RICTOR: variants seen among roughly 807,000 people sequenced by gnomAD.
The protein encoded by RICTOR is rapamycin-insensitive companion of mTOR.
Under a neutral mutation model 214.9 loss-of-function variants are expected in RICTOR, and 49 were observed. The ratio of observed to expected loss-of-function variants is 0.23; its 90% CI spans 0.18 to 0.29. RICTOR has a LOEUF of 0.29. Among genes scored for constraint, RICTOR ranks in the 10% least tolerant of loss-of-function variants. The pLI is 1.00. For missense variants in RICTOR, 1,625 were observed against 2,047.0 expected, an observed-to-expected ratio of 0.79 and a Z score of 3.98; for synonymous variants, 717 against 711.3, an observed-to-expected ratio of 1.01 and a Z score of -0.13.
intron 2 of RICTOR, among the ~76,000 whole-genome samples, chr5:39,061,866 C>T (rs1415067990): frequency 6.6e-6 from 1 of 151,860 alleles, no homozygotes; most frequent in Non-Finnish European, 1.5e-5. Flanking sequence ...ATAACATATA[C>T]TTGTGTATTC....
chr5:39,029,057 G>A (rs963090393), intron 2 of RICTOR, among the ~76,000 whole-genome samples: 16 of 152,120 alleles, frequency 1.1e-4, no homozygotes, highest in Non-Finnish European at 1.5e-4. Flanking sequence ...AATCTATGAT[G>A]ATAGAAATCA....
chr5:38,949,795 C>T lies in RICTOR; in HGVS notation c.4053G>A (p.Leu1351=), dbSNP rs983234630. The T allele has an allele frequency of 3.1e-6, 5 of 1,613,266 alleles. No homozygotes were observed. The African/African-American group carries it at 5.3e-5, about 17-fold the overall frequency. The part of the protein sequence containing the change: ...MHPSLSHSEA[L]ASPAKDVLFT... ...ATAGCACATCTTTTGCTGGAGATGC[C>T]AAAGCTTCAGAGTGAGATAAGGATG... Residue 1351 remains leucine, a synonymous_variant, in exon 31 of 38, where the codon TTG becomes TTA. Transcript: ENST00000357387.
chr5:39,072,809 C>A (rs1472880358), intron 2 of RICTOR, among the ~76,000 whole-genome samples: 1 of 152,116 alleles, frequency 6.6e-6, no homozygotes, highest in Admixed American at 6.5e-5. Context: ...GATTTAAGCT[C>A]TACTATATTG....
chr5:39,059,698 C>T (rs1157696512), intron 2 of RICTOR, among the ~76,000 whole-genome samples: 1 of 152,046 alleles, frequency 6.6e-6, no homozygotes, highest in Admixed American at 6.6e-5. Flanking sequence ...CCACATTCTA[C>T]CCATCCAAGG....
At chr5:39,029,321 C>T (rs1756093586) in intron 2 of RICTOR, among the ~76,000 whole-genome samples, 1 of 151,922 alleles carries the variant, frequency 6.6e-6, no homozygotes, top group South Asian at 2.1e-4. Context: ...ACATACACCA[C>T]CAAGAGAAAA....
chr5:38,964,456 T>C (rs1387976414), intron 16 of RICTOR, among the ~76,000 whole-genome samples: 1 of 151,794 alleles, frequency 6.6e-6, no homozygotes, highest in African/African-American at 2.4e-5. Flanking sequence ...TTTGAAATAG[T>C]TCATAGACAT....
At chr5:39,020,072 T>G (rs537408778) in intron 3 of RICTOR, among the ~76,000 whole-genome samples, 4 of 152,302 alleles carry the variant, frequency 2.6e-5, no homozygotes, top group Admixed American at 2.6e-4. Context: ...AGCCTGAAGA[T>G]GCAACTGAAT....
At chr5:39,000,087 A>G (rs1753499913) in intron 5 of RICTOR, among the ~76,000 whole-genome samples, 1 of 152,026 alleles carries the variant, frequency 6.6e-6, no homozygotes, top group African/African-American at 2.4e-5. Flanking sequence ...CTAAACATGA[A>G]GTAACAACAA....
At chr5:39,043,062 G>C (rs942307070) in intron 2 of RICTOR, among the ~76,000 whole-genome samples, 1 of 152,100 alleles carries the variant, frequency 6.6e-6, no homozygotes, top group Non-Finnish European at 1.5e-5. Context: ...GTATAGAGGT[G>C]CCTCAAAAAA....
chr5:38,967,398 G>T lies in RICTOR; in HGVS notation c.1090C>A (p.Leu364Ile). ...DPGRFQDSWR[L>I]SDGFVAAEAK... The stretch of plus-strand genomic sequence containing the variant: ...TCAGCTGCCACAAAGCCATCTGAAA[G>T]CCTCCAACTGTCTTGGAACCTCCCT... The change falls in exon 13 of 38, where the codon CTT becomes ATT. Residue 364 changes from leucine to isoleucine, a missense_variant. Leu to Ile is a conservative substitution (Grantham distance 5, BLOSUM62 2). Around this residue, in one of 5 missense-constraint regions of RICTOR, gnomAD observed 258 missense variants for 393.7 expected, o/e 0.66. Transcript: ENST00000357387. 1.2e-6 allele frequency: 2 copies of T among 1,613,640 alleles called. No individual in the cohort carries two copies. The highest frequency in any genetic ancestry group is 1.7e-6 in the Non-Finnish European group (2 of 1,179,678).
chr5:39,063,883 C>A (rs1758718435), intron 2 of RICTOR, among the ~76,000 whole-genome samples: 1 of 150,752 alleles, frequency 6.6e-6, no homozygotes, highest in African/African-American at 2.4e-5. Flanking sequence ...CTTGAAAATC[C>A]AGGTAATTAA....
At chr5:38,969,103 T>C (rs1750498619) in intron 11 of RICTOR, among the ~76,000 whole-genome samples, 1 of 151,380 alleles carries the variant, frequency 6.6e-6, no homozygotes, top group African/African-American at 2.4e-5. Context: ...CCTGAGTAGC[T>C]GGGATTATAG....
intron 2 of RICTOR, among the ~76,000 whole-genome samples, chr5:39,062,212 C>G (rs1224091475): frequency 6.6e-6 from 1 of 151,976 alleles, no homozygotes; most frequent in Non-Finnish European, 1.5e-5. Flanking sequence ...ATACTAATAC[C>G]ACATGTGACA....
intron 3 of RICTOR, among the ~76,000 whole-genome samples, chr5:39,004,464 C>CTTTT (rs35374961): frequency 6.9e-6 from 1 of 144,964 alleles, no homozygotes; most frequent in Non-Finnish European, 1.5e-5. Flanking sequence ...TTCTCAAACT[C>CTTTT]TTTTTTTTTT....
At chr5:39,003,696 C>T (rs1753818260) in intron 3 of RICTOR, 74 bp from the exon 4 acceptor site, 2 of 829,702 alleles carry the variant, frequency 2.4e-6, no homozygotes, top group Non-Finnish European at 3.9e-6. Context: ...TATATATTTA[C>T]ACTGGAAAAT....
chr5:39,045,837 TAA>T (rs1757451542), intron 2 of RICTOR, among the ~76,000 whole-genome samples: 1 of 152,000 alleles, frequency 6.6e-6, no homozygotes, highest in African/African-American at 2.4e-5. Flanking sequence ...AGCAAAGGTA[TAA>T]ATATACCTTG....
intron 5 of RICTOR, among the ~76,000 whole-genome samples, chr5:39,001,213 A>C (rs1753589337): frequency 6.6e-6 from 1 of 152,080 alleles, no homozygotes. Flanking sequence ...CAGTAGTTAA[A>C]ACAGTTGAGA....
rs748637028 is a variant in RICTOR, at chr5:38,947,273, A to T, written c.4305T>A (p.Asp1435Glu). 1.2e-6 allele frequency: 2 copies of T among 1,607,998 alleles called. No homozygotes were observed. The highest frequency in any genetic ancestry group is 2.7e-5 in the African/African-American group (2 of 74,522). ...IGLALPVDINDIFQVKDIPYF... is the reference protein window; with the variant it reads ...IGLALPVDINEIFQVKDIPYF... ...AAATGTATGATAATACCTGGAATATATCATTTATATCCACCGGGAGAGCAA... is the reference window on the plus strand; with the variant it reads ...AAATGTATGATAATACCTGGAATATTTCATTTATATCCACCGGGAGAGCAA... Residue 1435 changes from aspartate (D) to glutamate (E), a missense_variant, in exon 32 of 38, where the codon GAT becomes GAA. Transcript: ENST00000357387.
chr5:39,034,756 C>G (rs553829832), intron 2 of RICTOR, among the ~76,000 whole-genome samples: 3 of 152,216 alleles, frequency 2.0e-5, no homozygotes, highest in African/African-American at 7.2e-5. Context: ...AAGGCAGCAG[C>G]GAGGCTGGGG....
Sources: gnomAD v4.1 joint callset for allele counts (sites outside exome capture counted in the v4.1 genomes callset) on GRCh38, gnomAD v4.1.1 for gene constraint, gnomAD v4.1.1 regional missense constraint, MANE v1.5 for transcripts, NCBI Gene and HGNC (gene_info 2026-07-23, HGNC 2026-07-21) for gene names.